The following HDAC9 variants were observed in gnomAD, a reference collection of about 807,000 sequenced individuals.
HDAC9 encodes the protein MEF-2 interacting transcription repressor (MITR) protein.
Under a neutral mutation model 139.4 loss-of-function variants are expected in HDAC9, and 41 were observed. That is an observed-to-expected ratio of 0.29 (90% CI 0.23 to 0.38). The LOEUF (loss-of-function observed/expected upper bound fraction) is 0.38. HDAC9 is among the 10% of genes least tolerant of loss of function. The probability of loss-of-function intolerance (pLI) is 1.00; values close to 1 mark genes in which losing one functional copy is unlikely to be tolerated. For synonymous variants in HDAC9, 517 were observed against 476.2 expected (o/e 1.09, Z -1.12); for missense variants, 1,147 against 1,297.0 (o/e 0.88, Z 1.78).
chr7:18,262,242 C>G (rs1420878801), intron 2 of HDAC9, among the ~76,000 whole-genome samples: 1 of 152,094 alleles, frequency 6.6e-6, no homozygotes, highest in East Asian at 1.9e-4. Context: ...TTGAAAGTGG[C>G]AAAAGTGACT....
chr7:18,504,935 G>A (rs1799348121), intron 2 of HDAC9, among the ~76,000 whole-genome samples: 1 of 152,106 alleles, frequency 6.6e-6, no homozygotes, highest in African/African-American at 2.4e-5. Flanking sequence ...TAAAAATGTG[G>A]ACACATTTAT....
chr7:18,497,109 A>G (rs931199299), intron 2 of HDAC9, among the ~76,000 whole-genome samples: 2 of 152,056 alleles, frequency 1.3e-5, no homozygotes, highest in African/African-American at 4.8e-5. Flanking sequence ...AAATGAACAT[A>G]CTCTCCAGGC....
At chr7:18,728,386 G>A (rs550323164) in intron 13 of HDAC9, among the ~76,000 whole-genome samples, 3 of 144,038 alleles carry the variant, frequency 2.1e-5, no homozygotes, top group East Asian at 4.1e-4. Context: ...CAAGGCCAAA[G>A]GAAGGTTAAG....
chr7:18,218,737 A>G (rs866544685), intron 2 of HDAC9, among the ~76,000 whole-genome samples: 1 of 152,204 alleles, frequency 6.6e-6, no homozygotes, highest in Non-Finnish European at 1.5e-5. Flanking sequence ...ATAGTGTTCT[A>G]AAATGAGATT....
At chr7:18,250,668 A>G (rs559998418) in intron 2 of HDAC9, among the ~76,000 whole-genome samples, 1 of 152,296 alleles carries the variant, frequency 6.6e-6, no homozygotes, top group South Asian at 2.1e-4. Context: ...CTTGTATTAA[A>G]TTCTAGAGTG....
intron 1 of HDAC9, among the ~76,000 whole-genome samples, chr7:18,135,548 C>T (rs1345147156): frequency 3.1e-5 from 4 of 129,878 alleles, no homozygotes; most frequent in African/African-American, 9.1e-5. Context: ...TGAGAATATG[C>T]GGTGTTTGGT....
At chr7:18,560,793 A>G (rs1820336261) in intron 2 of HDAC9, among the ~76,000 whole-genome samples, 1 of 152,132 alleles carries the variant, frequency 6.6e-6, no homozygotes, top group Non-Finnish European at 1.5e-5. Flanking sequence ...CCATAGAGCT[A>G]GCTCCCCTGG....
intron 8 of HDAC9, among the ~76,000 whole-genome samples, chr7:18,637,828 A>G (rs908619865): frequency 2.6e-5 from 4 of 152,084 alleles, no homozygotes; most frequent in Non-Finnish European, 5.9e-5. Flanking sequence ...CATTCTCGAT[A>G]GGTGAGGAGA....
intron 7 of HDAC9, 64 bp downstream of exon 7, chr7:18,629,545 A>G (rs1781700626): frequency 1.4e-6 from 2 of 1,444,674 alleles, no homozygotes; most frequent in East Asian, 2.4e-5. Context: ...ATAGTTTAGA[A>G]TAAATATACC....
intron 1 of HDAC9, among the ~76,000 whole-genome samples, chr7:18,352,979 A>T (rs1393504227): frequency 1.3e-5 from 2 of 152,266 alleles, no homozygotes; most frequent in Non-Finnish European, 2.9e-5. Flanking sequence ...ATATTTTGAG[A>T]AATGCTTTAC....
intron 19 of HDAC9, among the ~76,000 whole-genome samples, chr7:18,834,776 G>C (rs544339528): frequency 6.6e-6 from 1 of 152,144 alleles, no homozygotes; most frequent in African/African-American, 2.4e-5. Flanking sequence ...TTTGCATCTG[G>C]CTTCTCTTTT....
chr7:18,761,528 A>G (rs771029238), intron 14 of HDAC9, among the ~76,000 whole-genome samples: 1 of 152,214 alleles, frequency 6.6e-6, no homozygotes, highest in South Asian at 2.1e-4. Flanking sequence ...ACATAAAAAT[A>G]CTGTCAAATT....
intron 2 of HDAC9, among the ~76,000 whole-genome samples, chr7:18,278,701 C>G (rs1034862597): frequency 6.6e-6 from 1 of 151,964 alleles, no homozygotes; most frequent in Non-Finnish European, 1.5e-5. Flanking sequence ...TTTAAATTGA[C>G]TAAAATATCA....
At chr7:18,816,756 A>T (rs1794589434) in intron 17 of HDAC9, among the ~76,000 whole-genome samples, 1 of 152,198 alleles carries the variant, frequency 6.6e-6, no homozygotes, top group Non-Finnish European at 1.5e-5. Context: ...ACAATTTTTA[A>T]CGTACCAGTG....
At position 18,496,331 on chromosome 7, in the gene HDAC9, TC is replaced by T; in HGVS notation, c.22+9del. ...CACAGTATGATCAGCTCAGGTAAGA[TC>T]CTCTTTCATAACTGAGACGTTTTAG... is the stretch of plus-strand genomic sequence containing the variant. On this transcript the variant is annotated splice_region_variant and intron_variant, in intron 2 of 25. Transcript: ENST00000686413. 6.2e-7 allele frequency: 1 copy of T among 1,611,974 alleles called. No homozygotes were observed. The highest frequency in any genetic ancestry group is 8.5e-7 in the Non-Finnish European group (1 of 1,178,530).
At chr7:18,619,793 T>C (rs1839717182) in intron 6 of HDAC9, among the ~76,000 whole-genome samples, 1 of 152,194 alleles carries the variant, frequency 6.6e-6, no homozygotes, top group Admixed American at 6.5e-5. Context: ...ACCAGCATAC[T>C]TAATCTCCAT....
At chr7:18,341,722 T>G (rs1429473727) in intron 1 of HDAC9, among the ~76,000 whole-genome samples, 1 of 151,776 alleles carries the variant, frequency 6.6e-6, no homozygotes, top group East Asian at 1.9e-4. Flanking sequence ...TTTGGCCTAT[T>G]TTGATTGATT....
chr7:18,836,105 G>T (rs1193468255), intron 21 of HDAC9, 108 bp downstream of exon 21: 2 of 614,924 alleles, frequency 3.3e-6, no homozygotes. Context: ...GTAAATTATC[G>T]CTCAAAGCCA....
chr7:18,390,102 G>T (rs530088385), intron 1 of HDAC9, among the ~76,000 whole-genome samples: 26 of 132,032 alleles, frequency 2.0e-4, no homozygotes, highest in African/African-American at 6.8e-4. Flanking sequence ...ACACGTCGTA[G>T]AGAAGGGAAG....
Sources: gnomAD v4.1 joint callset for allele counts (sites outside exome capture counted in the v4.1 genomes callset) on GRCh38, gnomAD v4.1.1 for gene constraint, MANE v1.5 for transcripts, NCBI Gene and HGNC (gene_info 2026-07-23, HGNC 2026-07-21) for gene names.